Variants in LAMA5 observed in about 807,000 individuals in gnomAD.
The protein encoded by LAMA5 is laminin subunit alpha 5.
LAMA5 carries 260 observed loss-of-function variants against 433.4 expected under a neutral mutation model. The observed-to-expected ratio is 0.60, with a 90% CI of 0.54 to 0.66. The LOEUF (loss-of-function observed/expected upper bound fraction) is 0.66, where lower values mean the gene tolerates loss of function less well. LAMA5 is among the 30% of genes least tolerant of loss of function. The pLI is 0.00. For synonymous variants in LAMA5, 2,620 were observed against 2,226.6 expected, an observed-to-expected ratio of 1.18 and a Z score of -4.97; for missense variants, 5,378 against 5,258.5, an observed-to-expected ratio of 1.02 and a Z score of -0.70.
intron 63 of LAMA5, 67 bp from the exon 64 acceptor site, chr20:62,313,527 G>A (rs1986557594): frequency 1.3e-6 from 2 of 1,557,096 alleles, no homozygotes; most frequent in Non-Finnish European, 1.7e-6. Context: ...GGACCAAGGG[G>A]ACTTCAGACT....
chr20:62,342,322 G>T, intron 11 of LAMA5: 1 of 374,572 alleles, frequency 2.7e-6, no homozygotes, highest in Non-Finnish European at 5.2e-6. Context: ...AGATGAGGTA[G>T]AAAATTGAAT....
Position 62,318,918 on chromosome 20 carries a change from G to A in LAMA5, c.6967C>T (p.Leu2323Phe), listed in dbSNP as rs1034824233. The change falls in exon 52 of 80, where the codon CTC (leucine) becomes TTC (phenylalanine). Residue 2323 changes from leucine (L) to phenylalanine (F), a missense_variant. Transcript: ENST00000252999. Reference protein sequence around the residue: ...LRTLAEVERLLWEMRARDLGA... With the variant: ...LRTLAEVERLFWEMRARDLGA... Reference sequence around the variant, plus strand: ...AGGTCCCGGGCCCGCATCTCCCAGAGCAGCCGCTCCACCTCGGCCAGTGTC... The same window carrying A: ...AGGTCCCGGGCCCGCATCTCCCAGAACAGCCGCTCCACCTCGGCCAGTGTC... The A allele has an allele frequency of 1.2e-6, 2 of 1,602,798 alleles. No homozygotes were observed. The highest frequency in any genetic ancestry group is 2.7e-5 in the African/African-American group (2 of 74,806).
chr20:62,353,873 T>C (rs554384471), intron 2 of LAMA5, among the ~76,000 whole-genome samples: 21 of 152,224 alleles, frequency 1.4e-4, no homozygotes, highest in South Asian at 4.2e-4. Context: ...GGGACTGGGC[T>C]GCAGGGAGCA....
rs1986675186 is a variant in LAMA5, at chr20:62,314,185, GGGTGGCGAGT to G, written c.8504+109_8504+118del. The G allele has an allele frequency of 2.7e-5, 35 of 1,284,214 alleles. No homozygotes were observed. In the South Asian group the frequency reaches 4.8e-4, roughly 17 times the overall value. 79.6% of individuals were successfully genotyped at this position (1,284,214 alleles called of 1,614,324 possible). On this transcript the variant is annotated intron_variant, in intron 62 of 79. Coordinates refer to ENST00000252999, the MANE Select transcript of LAMA5 (RefSeq NM_005560.6). Reference sequence around the variant, plus strand: ...TGGCGAGTGGGCACGGAGAGGCGAGGGGTGGCGAGTGGGCATGGAGAGGTGAAGGGTGGTG... The same window carrying G: ...TGGCGAGTGGGCACGGAGAGGCGAGGGGGCATGGAGAGGTGAAGGGTGGTG...
At chr20:62,354,856 TCAAA>T (rs548886895) in intron 2 of LAMA5, among the ~76,000 whole-genome samples, 8 of 151,954 alleles carry the variant, frequency 5.3e-5, no homozygotes, top group African/African-American at 7.2e-5. Context: ...CCAGCCCCTC[TCAAA>T]CAAAGGGGAA....
chr20:62,323,467 C>T lies in LAMA5; in HGVS notation c.6053G>A (p.Gly2018Asp). ...AGCCCGACGCCTACGGGTGCAGTTG[C>T]CGGGCAGCAGGGCGTTGCCGTAGAA... is the stretch of plus-strand genomic sequence containing the variant. Reference protein sequence around the residue: ...PGFYGNALLPGNCTRCDCTPC... With the variant: ...PGFYGNALLPDNCTRCDCTPC... Residue 2018 changes from glycine to aspartate, a missense_variant, in exon 45 of 80, where the codon GGC becomes GAC. By Grantham distance (94) the Gly-to-Asp change is moderately conservative (BLOSUM62 -1). Transcript: ENST00000252999. 6.5e-7 allele frequency: 1 copy of T among 1,541,444 alleles called. No individual in the cohort carries two copies.
In LAMA5 at chr20:62,324,107, G is replaced by T; in HGVS notation, c.5741C>A (p.Pro1914His). The T allele has an allele frequency of 6.6e-7, 1 of 1,525,500 alleles. No homozygotes were observed. 94.5% of individuals were successfully genotyped at this position (1,525,500 alleles called of 1,614,324 possible). A position where few individuals can be genotyped will look rare whatever the true frequency, so the allele number is the denominator to read the frequency against. ...DDPSAPCVSC[P>H]CPLSVPSNNF... ...GTTGGAAGGCACTGAGAGGGGGCAG[G>T]GGCAGCTGACACAGGGGGCGCTGGG... Residue 1914 changes from proline to histidine, a missense_variant, in exon 43 of 80, where the codon CCC becomes CAC. Physicochemically the swap from Pro to His is moderately conservative, Grantham distance 77. Transcript: ENST00000252999. This position sits in a 1 kb window ranked among gnomAD's most constrained non-coding sequence, Gnocchi z 4.4.
chr20:62,319,993 T>C (rs566729317), intron 50 of LAMA5, among the ~76,000 whole-genome samples, 198 bp from the exon 51 acceptor site: 1 of 152,308 alleles, frequency 6.6e-6, no homozygotes, highest in South Asian at 2.1e-4. Flanking sequence ...CCATTTGTTA[T>C]TTCCTGTCAA....
chr20:62,320,612 G>T lies in LAMA5; in HGVS notation c.6706C>A (p.Leu2236Met). 6.2e-7 allele frequency: 1 copy of T among 1,608,354 alleles called. No homozygotes were observed. Among genetic ancestry groups the T allele is most frequent in the Non-Finnish European group, 8.5e-7 (1 of 1,179,040 alleles). Reference protein sequence around the residue: ...RHETAQQLEVLEQQSTSLGQD... With the variant: ...RHETAQQLEVMEQQSTSLGQD... ...CCGAGGCTTGTGCTCTGCTGCTCCAGCACCTCCAGCTGCTGTGCCGTCTCA... is the reference window on the plus strand; with the variant it reads ...CCGAGGCTTGTGCTCTGCTGCTCCATCACCTCCAGCTGCTGTGCCGTCTCA... Residue 2236 changes from leucine (L) to methionine (M), a missense_variant, in exon 50 of 80, where the codon CTG becomes ATG. Coordinates refer to ENST00000252999, the MANE Select transcript of LAMA5 (RefSeq NM_005560.6).
At chr20:62,333,765 AC>A (rs1980972308) in intron 23 of LAMA5, 59 bp from the exon 24 acceptor site, 2 of 1,451,368 alleles carry the variant, frequency 1.4e-6, no homozygotes, top group Admixed American at 4.6e-5. Flanking sequence ...CCCAGGCTGC[AC>A]CCCCTACAGG....
At position 62,329,840 on chromosome 20, in the gene LAMA5, C is replaced by A. The variant is rs1446381885; in HGVS notation, c.4056G>T (p.Leu1352=). The change falls in exon 32 of 80, where the codon CTG becomes CTT. Residue 1352 remains leucine (L), a synonymous_variant. Coordinates refer to ENST00000252999, the MANE Select transcript of LAMA5 (RefSeq NM_005560.6). ...TLVVCEGQAL[L]DVTHSELTVT... ...CAGTGAGCTCGCTGTGGGTCACGTC[C>A]AGCAGGGCCTGGCCCTCACACACCA... is the stretch of plus-strand genomic sequence containing the variant. The A allele has an allele frequency of 6.2e-7, 1 of 1,612,530 alleles. No homozygotes were observed. Among genetic ancestry groups the A allele is most frequent in the South Asian group, 1.1e-5 (1 of 91,024 alleles).
rs767325010 is a variant in LAMA5 at position 62,327,340 on chromosome 20, G to A, written c.5005C>T (p.Pro1669Ser). The stretch of plus-strand genomic sequence containing the variant: ...TCTGCACGGAGCATCTCCGTCCCTG[G>A]CTGCCGCTCGTGGGGCACCACCTGC... ...DRQVVPHERQPGTEMLRADLR... is the reference protein window; with the variant it reads ...DRQVVPHERQSGTEMLRADLR... Residue 1669 changes from proline (P) to serine (S), a missense_variant, in exon 38 of 80, where the codon CCA (proline) becomes TCA (serine). Physicochemically the swap from Pro to Ser is moderately conservative, Grantham distance 74. Coordinates refer to ENST00000252999, the MANE Select transcript of LAMA5 (RefSeq NM_005560.6). 21 of 1,601,604 alleles carry A rather than the reference G, an allele frequency of 1.3e-5. No individual in the cohort carries two copies. In the South Asian group the frequency reaches 2.2e-4, roughly 17 times the overall value.
chr20:62,355,025 A>G (rs1396239040), intron 2 of LAMA5, among the ~76,000 whole-genome samples: 3 of 151,960 alleles, frequency 2.0e-5, no homozygotes, highest in Non-Finnish European at 4.4e-5. Flanking sequence ...CCCGGCCCAC[A>G]CCTCCCCTGA....
Position 62,312,644 on chromosome 20 carries a change from T to C in LAMA5, c.9215A>G (p.Gln3072Arg). Residue 3072 changes from glutamine to arginine, a missense_variant, in exon 67 of 80, where the codon CAG becomes CGG. By Grantham distance (43) the Gln-to-Arg change is conservative. Transcript: ENST00000252999. The part of the protein sequence containing the change: ...AYYLGGVPPD[Q>R]LPPSLRRLFP... ...GCACAGTGCTTACCTCGGGGGCAGC[T>C]GGTCGGGCGGCACGCCCCCCAGGTA... The C allele has an allele frequency of 6.2e-7, 1 of 1,606,822 alleles. No homozygotes were observed.
intron 55 of LAMA5, 132 bp from the exon 56 acceptor site, chr20:62,317,155 G>A (rs1275472543): frequency 3.3e-6 from 4 of 1,206,760 alleles, no homozygotes; most frequent in Non-Finnish European, 4.5e-6. Context: ...CTTTGCCCGT[G>A]CCTGTCGCCT....
At chr20:62,363,698 G>T in intron 1 of LAMA5, among the ~76,000 whole-genome samples, 1 of 152,112 alleles carries the variant, frequency 6.6e-6, no homozygotes, top group Non-Finnish European at 1.5e-5. Context: ...AAAGTCAGCG[G>T]CCCTACCCCG....
chr20:62,352,123 C>T, intron 4 of LAMA5, 44 bp from the exon 5 acceptor site: 1 of 1,599,124 alleles, frequency 6.3e-7, no homozygotes, highest in Non-Finnish European at 8.5e-7. Flanking sequence ...CTAGCCCCTG[C>T]TCAGCACTGC....
intron 38 of LAMA5, 92 bp from the exon 39 acceptor site, chr20:62,327,058 C>A: frequency 8.7e-7 from 1 of 1,148,026 alleles, no homozygotes; most frequent in Non-Finnish European, 1.3e-6. Flanking sequence ...CAGCACAGAG[C>A]CCTGTGCTGG....
intron 48 of LAMA5, among the ~76,000 whole-genome samples, chr20:62,321,662 ATGGGGGTGGGGTCAG>A (rs1987800253): frequency 3.4e-5 from 2 of 59,520 alleles, no homozygotes; most frequent in African/African-American, 7.8e-5. Context: ...GGTGGGGCCA[ATGGGGGTGGGGTCAG>A]TGGAGGGGTG....
Sources: gnomAD v4.1 joint callset for allele counts (sites outside exome capture counted in the v4.1 genomes callset) on GRCh38, gnomAD v4.1.1 for gene constraint, Gnocchi (gnomAD v3.1) non-coding constraint, MANE v1.5 for transcripts, NCBI Gene and HGNC (gene_info 2026-07-23, HGNC 2026-07-21) for gene names.